Variants in AVL9 observed in about 807,000 individuals in gnomAD.
AVL9 encodes the protein AVL9 cell migration associated.
A neutral mutation model predicts 79.2 loss-of-function variants in AVL9; 49 were observed. That is an observed-to-expected ratio of 0.62 (90% CI 0.49 to 0.79). AVL9 has a LOEUF of 0.79. AVL9 is among the 30% of genes least tolerant of loss of function. The probability of loss-of-function intolerance (pLI) is 0.00; values close to 1 mark genes in which losing one functional copy is unlikely to be tolerated. For synonymous variants in AVL9, 299 were observed against 280.6 expected (o/e 1.07, Z -0.65); for missense variants, 682 against 776.8 (o/e 0.88, Z 1.45).
chr7:32,519,007 A>C (rs1788024512), intron 1 of AVL9, among the ~76,000 whole-genome samples: 1 of 152,212 alleles, frequency 6.6e-6, no homozygotes, highest in Non-Finnish European at 1.5e-5. Context: ...AAATTTTGAA[A>C]AGCAAATGAA....
At chr7:32,545,529 C>A (rs1284285811) in intron 3 of AVL9, among the ~76,000 whole-genome samples, 1 of 151,750 alleles carries the variant, frequency 6.6e-6, no homozygotes, top group Non-Finnish European at 1.5e-5. Flanking sequence ...CCACCACACC[C>A]AGCTAATTTT....
chr7:32,520,278 A>G (rs1164012826), intron 1 of AVL9, among the ~76,000 whole-genome samples: 1 of 152,260 alleles, frequency 6.6e-6, no homozygotes, highest in Non-Finnish European at 1.5e-5. Flanking sequence ...GTTCCATTTT[A>G]TAGATTGGTA....
intron 1 of AVL9, among the ~76,000 whole-genome samples, chr7:32,512,600 C>T (rs758149598): frequency 1.1e-4 from 16 of 152,128 alleles, no homozygotes; most frequent in South Asian, 2.1e-4. Flanking sequence ...CTGTACTTTT[C>T]GTAGCTTACC....
intron 1 of AVL9, among the ~76,000 whole-genome samples, chr7:32,517,811 G>GTTTT (rs143487006): frequency 1.6e-5 from 2 of 128,562 alleles, no homozygotes; most frequent in Admixed American, 1.6e-4. Context: ...TTGCTTGTGT[G>GTTTT]TTTTTTTTTT....
chr7:32,506,979 A>G (rs1290409871), intron 1 of AVL9, among the ~76,000 whole-genome samples: 3 of 152,146 alleles, frequency 2.0e-5, no homozygotes, highest in Admixed American at 2.0e-4. Context: ...GATAGTTGCA[A>G]AAAAAATCCA....
intron 1 of AVL9, among the ~76,000 whole-genome samples, chr7:32,516,766 T>A (rs371815122): frequency 1.2e-4 from 16 of 134,376 alleles, no homozygotes; most frequent in African/African-American, 1.4e-4. Context: ...CCTAGGCCTT[T>A]AAAAAAAAAA....
intron 11 of AVL9, among the ~76,000 whole-genome samples, chr7:32,572,801 C>CAA (rs3080635): frequency 0.026 from 2,442 of 93,420 alleles, 147 homozygotes; most frequent in Non-Finnish European, 0.034. Context: ...GACTCCGTCT[C>CAA]AAAAAAAAAA....
rs1220920666 is a variant in AVL9, at chr7:32,559,428, G to T, written c.1179G>T (p.Glu393Asp). 6.3e-7 allele frequency: 1 copy of T among 1,597,500 alleles called. No homozygotes were observed. Among genetic ancestry groups the T allele is most frequent in the East Asian group, 2.2e-5 (1 of 44,732 alleles). Residue 393 changes from glutamate (E) to aspartate (D), a missense_variant, in exon 10 of 16, where the codon GAG becomes GAT. Coordinates refer to ENST00000318709, the MANE Select transcript of AVL9 (RefSeq NM_015060.3). Reference protein sequence around the residue: ...LIPGLISGLEEDQYGMPLAIF... With the variant: ...LIPGLISGLEDDQYGMPLAIF... Reference sequence around the variant, plus strand: ...CAGGGCTCATTTCGGGTTTGGAAGAGGATCAGTATGGCATGCCCCTGGCCA... The same window carrying T: ...CAGGGCTCATTTCGGGTTTGGAAGATGATCAGTATGGCATGCCCCTGGCCA...
chr7:32,576,448 G>A (rs903881597), intron 13 of AVL9, among the ~76,000 whole-genome samples: 2 of 152,182 alleles, frequency 1.3e-5, no homozygotes, highest in African/African-American at 4.8e-5. Context: ...TACTGCATGA[G>A]TAAAATTAGG....
chr7:32,530,405 A>C (rs1788597247), intron 1 of AVL9, among the ~76,000 whole-genome samples: 1 of 152,246 alleles, frequency 6.6e-6, no homozygotes, highest in Admixed American at 6.5e-5. Flanking sequence ...ATCAAATTCT[A>C]TTAATGCCAT....
At chr7:32,577,058 G>A (rs1166315010) in intron 13 of AVL9, among the ~76,000 whole-genome samples, 1 of 152,098 alleles carries the variant, frequency 6.6e-6, no homozygotes, top group Non-Finnish European at 1.5e-5. Flanking sequence ...ATAAGGCCAG[G>A]CACAGTGGCT....
At chr7:32,550,309 C>T (rs911960825) in intron 4 of AVL9, among the ~76,000 whole-genome samples, 3 of 91,470 alleles carry the variant, frequency 3.3e-5, no homozygotes, top group African/African-American at 1.1e-4. Context: ...TAAATAAAGG[C>T]ATATCTCAGA....
chr7:32,523,591 C>A (rs1163557957), intron 1 of AVL9, among the ~76,000 whole-genome samples: 3 of 142,042 alleles, frequency 2.1e-5, no homozygotes, highest in Non-Finnish European at 3.0e-5. Context: ...TCTTGGCTCA[C>A]TGCAGCCTCC....
At chr7:32,526,098 C>T (rs1251745456) in intron 1 of AVL9, among the ~76,000 whole-genome samples, 2 of 152,142 alleles carry the variant, frequency 1.3e-5, no homozygotes, top group African/African-American at 2.4e-5. Context: ...CCTCTGCAAA[C>T]GGCATGGACT....
chr7:32,501,097 A>G (rs1265015365), intron 1 of AVL9, among the ~76,000 whole-genome samples: 1 of 152,254 alleles, frequency 6.6e-6, no homozygotes, highest in East Asian at 1.9e-4. Flanking sequence ...GTCACAAGAA[A>G]GTCTCCATGG....
chr7:32,553,837 T>C lies in AVL9; in HGVS notation c.570+70T>C, dbSNP rs1789948004. ...ATGGCCAACACTGTTCTTAGTGTGCTCATTTAACTGCCAAATTCAGTGTGC... is the reference window on the plus strand; with the variant it reads ...ATGGCCAACACTGTTCTTAGTGTGCCCATTTAACTGCCAAATTCAGTGTGC... On this transcript the variant is annotated intron_variant, in intron 7 of 15. Transcript: ENST00000318709. 3 of 1,104,576 alleles carry C rather than the reference T, an allele frequency of 2.7e-6. No homozygotes were observed. The Admixed American group carries it at 5.8e-5, about 21-fold the overall frequency. 68.4% of individuals were successfully genotyped at this position (1,104,576 alleles called of 1,614,324 possible).
chr7:32,546,851 A>G (rs1789535048), intron 3 of AVL9, among the ~76,000 whole-genome samples: 2 of 152,082 alleles, frequency 1.3e-5, no homozygotes, highest in Admixed American at 6.6e-5. Context: ...AAATAAAAAG[A>G]TAAAAGAAAC....
intron 1 of AVL9, among the ~76,000 whole-genome samples, chr7:32,498,176 G>A (rs76523222): frequency 0.016 from 2,485 of 151,670 alleles, 67 homozygotes; most frequent in African/African-American, 0.057. Context: ...CCAAAACTAG[G>A]CTTGTGGAAA....
intron 10 of AVL9, among the ~76,000 whole-genome samples, chr7:32,560,443 ACT>A (rs1790284083): frequency 6.6e-6 from 1 of 151,890 alleles, no homozygotes; most frequent in South Asian, 2.1e-4. Flanking sequence ...ACAAGAAACC[ACT>A]CTCCTTATTC....
Sources: allele counts gnomAD v4.1 joint callset (sites outside exome capture counted in the v4.1 genomes callset), GRCh38; gene constraint gnomAD v4.1.1; transcripts MANE v1.5; gene names NCBI Gene and HGNC (gene_info 2026-07-23, HGNC 2026-07-21).